Variants in FHIT observed in about 807,000 individuals in gnomAD.
FHIT encodes the protein bis(5'-adenosyl)-triphosphatase.
In FHIT, 19 loss-of-function variants were observed where a neutral mutation model predicts 17.9. The ratio of observed to expected loss-of-function variants is 1.06; its 90% CI spans 0.74 to 1.56. FHIT has a LOEUF of 1.56. Among genes scored for constraint, FHIT ranks in the 40% most tolerant of loss-of-function variants. The probability of loss-of-function intolerance (pLI) is 0.00; values close to 1 mark genes in which losing one functional copy is unlikely to be tolerated. For missense variants in FHIT, 248 were observed against 189.2 expected (o/e 1.31, Z -1.82); for synonymous variants, 81 against 69.7 (o/e 1.16, Z -0.81).
At chr3:60,251,181 A>G (rs536805970) in intron 5 of FHIT, among the ~76,000 whole-genome samples, 7 of 152,354 alleles carry the variant, frequency 4.6e-5, no homozygotes, top group Non-Finnish European at 8.8e-5. Context: ...GCAACAAAGT[A>G]TACCATATCC....
intron 5 of FHIT, among the ~76,000 whole-genome samples, chr3:60,194,636 A>C (rs992907845): frequency 1.3e-5 from 2 of 152,204 alleles, no homozygotes; most frequent in Non-Finnish European, 2.9e-5. Context: ...AACAATCATC[A>C]CAGTAAAAAG....
intron 5 of FHIT, among the ~76,000 whole-genome samples, chr3:60,022,840 C>G (rs1478094700): frequency 6.6e-6 from 1 of 152,180 alleles, no homozygotes; most frequent in Admixed American, 6.5e-5. Context: ...AGAATTCTCT[C>G]TCCCCCATTC....
intron 5 of FHIT, among the ~76,000 whole-genome samples, chr3:60,304,893 T>TA (rs1248087202): frequency 2.6e-5 from 4 of 152,152 alleles, no homozygotes; most frequent in Non-Finnish European, 4.4e-5. Flanking sequence ...TCTCTGAATC[T>TA]AATCTACTAT....
At chr3:60,647,593 A>G (rs1553687099) in intron 4 of FHIT, among the ~76,000 whole-genome samples, 1 of 152,226 alleles carries the variant, frequency 6.6e-6, no homozygotes, top group Admixed American at 6.5e-5. Flanking sequence ...TACTTAAAAT[A>G]GTCCCCTGCT....
intron 3 of FHIT, among the ~76,000 whole-genome samples, chr3:60,907,064 G>A (rs1553764735): frequency 6.6e-6 from 1 of 151,966 alleles, no homozygotes; most frequent in Non-Finnish European, 1.5e-5. Flanking sequence ...TGAGTGAAAG[G>A]TTCTTGGGAC....
chr3:60,022,486 C>T (rs904283684), intron 5 of FHIT, among the ~76,000 whole-genome samples: 2 of 152,204 alleles, frequency 1.3e-5, no homozygotes, highest in African/African-American at 4.8e-5. Flanking sequence ...TGACCGACAG[C>T]TTTATTTCCT....
At chr3:60,835,085 G>A (rs1476847876) in intron 3 of FHIT, among the ~76,000 whole-genome samples, 7 of 151,966 alleles carry the variant, frequency 4.6e-5, no homozygotes, top group African/African-American at 7.2e-5. Flanking sequence ...ATTCTGTTCC[G>A]TTGATCTATG....
intron 7 of FHIT, among the ~76,000 whole-genome samples, chr3:59,961,604 C>G (rs1024696675): frequency 6.6e-6 from 1 of 152,118 alleles, no homozygotes; most frequent in Non-Finnish European, 1.5e-5. Context: ...AGCGTGGTAT[C>G]TGGGCTGGAG....
At chr3:61,182,325 C>T (rs1287582574) in intron 2 of FHIT, among the ~76,000 whole-genome samples, 1 of 152,170 alleles carries the variant, frequency 6.6e-6, no homozygotes, top group East Asian at 1.9e-4. Flanking sequence ...TATTTACATA[C>T]TCCTTTCATG....
At chr3:60,690,762 G>A (rs2040968779) in intron 4 of FHIT, 1 of 369,898 alleles carries the variant, frequency 2.7e-6, no homozygotes, top group South Asian at 2.2e-5. Flanking sequence ...CATCTGTGAA[G>A]TCTCTGTTAC....
chr3:60,290,913 C>T (rs558560277), intron 5 of FHIT, among the ~76,000 whole-genome samples: 1 of 152,246 alleles, frequency 6.6e-6, no homozygotes, highest in Non-Finnish European at 1.5e-5. Flanking sequence ...ATCCAGGCAG[C>T]TCATGGGGGC....
At chr3:60,130,912 TATGTATAC>T (rs1430179651) in intron 5 of FHIT, among the ~76,000 whole-genome samples, 2 of 149,974 alleles carry the variant, frequency 1.3e-5, no homozygotes, top group African/African-American at 4.9e-5. Context: ...TATACACATA[TATGTATAC>T]ATACATATAT....
chr3:60,444,124 C>A (rs10243275), intron 5 of FHIT, among the ~76,000 whole-genome samples: 1 of 152,070 alleles, frequency 6.6e-6, no homozygotes, highest in Admixed American at 6.6e-5. Context: ...CAGAGAAATG[C>A]AAATCAAAAC....
chr3:60,846,827 T>A (rs1455299592), intron 3 of FHIT, among the ~76,000 whole-genome samples: 2 of 148,068 alleles, frequency 1.4e-5, no homozygotes, highest in Non-Finnish European at 3.0e-5. Context: ...ATAATCTTTC[T>A]TTTTTTTTTT....
chr3:60,331,837 ACT>A (rs1438510129), intron 5 of FHIT, among the ~76,000 whole-genome samples: 2 of 144,048 alleles, frequency 1.4e-5, no homozygotes, highest in Admixed American at 7.3e-5. Flanking sequence ...CAAGAGCAAA[ACT>A]CTGTCTCGGA....
At chr3:60,068,677 T>C (rs996561357) in intron 5 of FHIT, among the ~76,000 whole-genome samples, 3 of 152,210 alleles carry the variant, frequency 2.0e-5, no homozygotes, top group Non-Finnish European at 4.4e-5. Flanking sequence ...CTTGATTTCA[T>C]ACACATCTAA....
At chr3:60,190,597 C>T (rs888285083) in intron 5 of FHIT, among the ~76,000 whole-genome samples, 4 of 151,550 alleles carry the variant, frequency 2.6e-5, no homozygotes, top group African/African-American at 7.3e-5. Context: ...AAAAATACAA[C>T]ATCACTGGGG....
intron 5 of FHIT, among the ~76,000 whole-genome samples, chr3:60,218,014 G>A (rs1004664389): frequency 6.6e-6 from 1 of 152,082 alleles, no homozygotes; most frequent in Non-Finnish European, 1.5e-5. Flanking sequence ...TTGAAAAATT[G>A]TTAATTCTTG....
chr3:61,209,225 C>G (rs1029433310), intron 1 of FHIT, among the ~76,000 whole-genome samples: 1 of 152,196 alleles, frequency 6.6e-6, no homozygotes, highest in South Asian at 2.1e-4. Flanking sequence ...GGTAACCCGA[C>G]CTTTCTCTCT....
Sources: allele counts gnomAD v4.1 joint callset (sites outside exome capture counted in the v4.1 genomes callset), GRCh38; gene constraint gnomAD v4.1.1; transcripts MANE v1.5; gene names NCBI Gene and HGNC (gene_info 2026-07-23, HGNC 2026-07-21).